The following DMD variants were observed in gnomAD, a reference collection of about 807,000 sequenced individuals.
The protein encoded by DMD is mutant dystrophin.
A neutral mutation model predicts 330.1 loss-of-function variants in DMD; 63 were observed. That is an observed-to-expected ratio of 0.19 (90% CI 0.16 to 0.24). The LOEUF (loss-of-function observed/expected upper bound fraction) is 0.24. Among genes scored for constraint, DMD ranks in the 10% least tolerant of loss-of-function variants. DMD has a pLI of 1.00. For missense variants in DMD, 3,344 were observed against 2,684.1 expected (o/e 1.25, Z -5.43); for synonymous variants, 1,223 against 959.8 (o/e 1.27, Z -5.07).
intron 48 of DMD, among the ~76,000 whole-genome samples, chrX:31,858,620 G>A (rs1891176233): frequency 9.1e-6 from 1 of 109,734 alleles, no homozygotes; most frequent in South Asian, 3.8e-4. Flanking sequence ...AATTCTTAAA[G>A]TGTTCTTTTT....
chrX:32,864,477 T>TAAA (rs2082328606), intron 2 of DMD, among the ~76,000 whole-genome samples: 1 of 112,447 alleles, frequency 8.9e-6, no homozygotes, highest in Non-Finnish European at 1.9e-5. Flanking sequence ...TAGTTTAATA[T>TAAA]ATCTTTTCTT....
At chrX:32,889,922 C>T (rs1314692006) in intron 2 of DMD, among the ~76,000 whole-genome samples, 1 of 111,163 alleles carries the variant, frequency 9.0e-6, no homozygotes, top group East Asian at 2.8e-4. Flanking sequence ...TAAGACAAAA[C>T]CCCAGAGAAA....
chrX:32,362,602 G>A (rs1272235683), intron 37 of DMD, among the ~76,000 whole-genome samples, 186 bp downstream of exon 37: 2 of 111,436 alleles, frequency 1.8e-5, no homozygotes, highest in Non-Finnish European at 3.8e-5. Flanking sequence ...GAGAGAGACA[G>A]AGACGGGGAG....
intron 47 of DMD, among the ~76,000 whole-genome samples, chrX:31,884,193 T>A (rs2149720986): frequency 8.9e-6 from 1 of 111,852 alleles, no homozygotes; most frequent in South Asian, 3.7e-4. Context: ...ATATCTGCCC[T>A]CTCATGTTTA....
At chrX:32,196,729 T>C (rs1387500507) in intron 44 of DMD, among the ~76,000 whole-genome samples, 2 of 110,383 alleles carry the variant, frequency 1.8e-5, no homozygotes, top group Non-Finnish European at 3.8e-5. Context: ...CTCACGCCTG[T>C]AATCCCAGCA....
chrX:32,676,275 C>T (rs1388778304), intron 9 of DMD, among the ~76,000 whole-genome samples: 2 of 111,143 alleles, frequency 1.8e-5, no homozygotes, highest in African/African-American at 3.3e-5. Flanking sequence ...GGGAATGGCT[C>T]AACTTATGTA....
intron 29 of DMD, 37 bp downstream of exon 29, chrX:32,438,204 A>T (rs769835224): frequency 1.7e-6 from 2 of 1,196,989 alleles, no homozygotes; most frequent in East Asian, 3.0e-5. Flanking sequence ...ACATTAATGC[A>T]AATTAGATTA....
rs780911758 is a variant in DMD, at chrX:32,296,155, G to A, written c.6118-8454C>T. Among the ~76,000 whole-genome samples the A allele has an allele frequency of 4.5e-5, 5 of 111,869 alleles. No individual in the cohort carries two copies. The East Asian group carries it at 1.4e-3, about 31-fold the overall frequency. On this transcript the variant is annotated intron_variant, in intron 42 of 78. Coordinates refer to ENST00000357033, the MANE Select transcript of DMD (RefSeq NM_004006.3). ...GCCTGTAATCCCAGCACTTTGGGAG[G>A]CCGAGGTAGGTGGATCACTTTAGGA... is the stretch of plus-strand genomic sequence containing the variant.
At chrX:31,647,626 A>T (rs2148547606) in intron 54 of DMD, among the ~76,000 whole-genome samples, 1 of 112,311 alleles carries the variant, frequency 8.9e-6, no homozygotes, top group African/African-American at 3.2e-5. Flanking sequence ...CAACTTCACT[A>T]GGACATTTAA....
At position 31,909,365 on chromosome X, in the gene DMD, C is replaced by G. The variant is rs149659859; in HGVS notation, c.6912+20231G>C. ...GTTTCAGAGCAGTCTTTCCTGGATG[C>G]TTTGGGAAAGAAGGTCCCTAAAGAG... On this transcript the variant is annotated intron_variant, in intron 47 of 78. Transcript: ENST00000357033. Among the ~76,000 whole-genome samples the G allele has an allele frequency of 1.2e-3, 132 of 110,934 alleles. 2 individuals carry two copies. The highest frequency in any genetic ancestry group is 4.2e-3 in the African/African-American group (129 of 30,502).
intron 43 of DMD, among the ~76,000 whole-genome samples, chrX:32,280,025 CAT>C (rs1191430175): frequency 1.0e-5 from 1 of 100,435 alleles, no homozygotes; most frequent in African/African-American, 3.6e-5. Flanking sequence ...ATGTACCCCA[CAT>C]ATATATATAC....
intron 1 of DMD, among the ~76,000 whole-genome samples, chrX:33,245,179 T>C (rs949437188): frequency 1.8e-5 from 2 of 111,283 alleles, no homozygotes; most frequent in Non-Finnish European, 3.8e-5. Context: ...TTTTTGCTCC[T>C]TCAGTATTGT....
intron 7 of DMD, among the ~76,000 whole-genome samples, chrX:32,717,281 C>A (rs2065830975): frequency 9.0e-6 from 1 of 111,388 alleles, no homozygotes; most frequent in East Asian, 2.8e-4. Context: ...AGGCCTAGGG[C>A]CTCACTGCTC....
At chrX:32,798,208 T>C (rs1357861217) in intron 7 of DMD, among the ~76,000 whole-genome samples, 2 of 112,149 alleles carry the variant, frequency 1.8e-5, no homozygotes, top group Non-Finnish European at 3.8e-5. Flanking sequence ...GTTGTCTAAG[T>C]AGGTGAATTT....
intron 19 of DMD, among the ~76,000 whole-genome samples, chrX:32,497,526 T>C (rs1227426979): frequency 8.9e-6 from 1 of 112,139 alleles, no homozygotes; most frequent in African/African-American, 3.2e-5. Context: ...GAAAGGATCT[T>C]AGAGACTAAA....
intron 41 of DMD, among the ~76,000 whole-genome samples, chrX:32,336,650 AAAC>A (rs772307022): frequency 1.8e-5 from 2 of 111,952 alleles, no homozygotes; most frequent in East Asian, 5.6e-4. Context: ...AGGGAATATA[AAAC>A]ATTTATAACA....
chrX:32,441,396 T>TGA (rs1245339527), intron 27 of DMD, 82 bp from the exon 28 acceptor site: 1 of 958,975 alleles, frequency 1.0e-6, no homozygotes, highest in African/African-American at 1.9e-5. Flanking sequence ...TATTAAAACT[T>TGA]CTGAAAATAT....
chrX:32,521,664 C>A (rs2046436280), intron 17 of DMD, among the ~76,000 whole-genome samples: 1 of 112,362 alleles, frequency 8.9e-6, no homozygotes. Flanking sequence ...GCAAAATCTC[C>A]TTAAACATTA....
chrX:31,139,472 TATACACACACAC>T (rs903650962), intron 76 of DMD, among the ~76,000 whole-genome samples: 1 of 83,472 alleles, frequency 1.2e-5, no homozygotes, highest in African/African-American at 4.5e-5. Context: ...GTGGTGTTTA[TATACACACACAC>T]ACACACACAC....
Sources: allele counts gnomAD v4.1 joint callset (sites outside exome capture counted in the v4.1 genomes callset), GRCh38; gene constraint gnomAD v4.1.1; transcripts MANE v1.5; gene names NCBI Gene and HGNC (gene_info 2026-07-23, HGNC 2026-07-21).